The following MYO1H variants were observed in gnomAD, a reference collection of about 807,000 sequenced individuals.
The protein encoded by MYO1H is myosin IH.
A neutral mutation model predicts 149.3 loss-of-function variants in MYO1H; 118 were observed. The observed-to-expected ratio is 0.79, with a 90% CI of 0.68 to 0.92. The LOEUF is 0.92. MYO1H is among the 40% of genes least tolerant of loss of function. The pLI is 0.00. For missense variants in MYO1H, 1,212 were observed against 1,280.7 expected (o/e 0.95, Z 0.82); for synonymous variants, 447 against 465.2 (o/e 0.96, Z 0.50).
chr12:109,363,747 T>TC (rs1413555299), intron 1 of MYO1H, among the ~76,000 whole-genome samples: 2 of 151,450 alleles, frequency 1.3e-5, no homozygotes, highest in African/African-American at 4.9e-5. Flanking sequence ...TGCTGGCCAG[T>TC]CCCACCTGCG....
At chr12:109,318,964 TTG>T in the MYO1H span, among the ~76,000 whole-genome samples, 1 of 67,794 alleles carries the variant, frequency 1.5e-5, no homozygotes, top group Non-Finnish European at 3.2e-5. Context: ...CTCTGCGTTT[TTG>T]GTTTTGTTTT....
chr12:109,410,619 C>G, intron 12 of MYO1H, 69 bp from the exon 13 acceptor site: 1 of 1,046,678 alleles, frequency 9.6e-7, no homozygotes, highest in Non-Finnish European at 1.4e-6. Flanking sequence ...TTTAGAAAAC[C>G]AATTTAAAAC....
intron 1 of MYO1H, among the ~76,000 whole-genome samples, chr12:109,377,223 T>A (rs1195933273): frequency 6.6e-6 from 1 of 152,206 alleles, no homozygotes; most frequent in Admixed American, 6.5e-5. Context: ...GGCTGAATAG[T>A]TTATAAAGAA....
At position 109,412,189 on chromosome 12, in the gene MYO1H, A is replaced by G. The variant is rs543302942; in HGVS notation, c.1502+204A>G. Among the ~76,000 whole-genome samples the G allele has an allele frequency of 2.0e-5, 3 of 152,292 alleles. 1 individual carries two copies. The East Asian group carries it at 5.8e-4, about 29-fold the overall frequency. ...TAATTTTTTTTTGAGACATGGTCTC[A>G]GTCTGTCACCTAGGCTGGAGTGCAG... On this transcript the variant is annotated intron_variant, in intron 14 of 31. Transcript: ENST00000310903.
At chr12:109,325,200 T>C in the MYO1H span, among the ~76,000 whole-genome samples, 2 of 152,146 alleles carry the variant, frequency 1.3e-5, no homozygotes, top group East Asian at 3.8e-4. Flanking sequence ...TGTGTCTTTA[T>C]AGTAGAATGA....
intron 20 of MYO1H, among the ~76,000 whole-genome samples, chr12:109,434,417 C>A (rs1429240743): frequency 6.6e-6 from 1 of 152,128 alleles, no homozygotes; most frequent in Non-Finnish European, 1.5e-5. Context: ...TCATTTGAAC[C>A]TGGGAGATGG....
intron 3 of MYO1H, among the ~76,000 whole-genome samples, chr12:109,396,032 C>A (rs1185523864): frequency 6.6e-6 from 1 of 152,034 alleles, no homozygotes; most frequent in Admixed American, 6.6e-5. Flanking sequence ...AATTCTCCTG[C>A]CTCAGCCTCC....
chr12:109,318,210 C>T, the MYO1H span, among the ~76,000 whole-genome samples: 1 of 152,124 alleles, frequency 6.6e-6, no homozygotes, highest in Non-Finnish European at 1.5e-5. Flanking sequence ...GGAGAAGTAA[C>T]AAATATTTCT....
At chr12:109,435,202 A>G (rs1871809193) in intron 21 of MYO1H, 89 bp downstream of exon 21, 1 of 824,228 alleles carries the variant, frequency 1.2e-6, no homozygotes, top group Non-Finnish European at 1.9e-6. Flanking sequence ...GGTGTTTGAT[A>G]TAGTGTTAGA....
At chr12:109,417,451 C>T (rs1049000205) in intron 15 of MYO1H, among the ~76,000 whole-genome samples, 16 of 151,980 alleles carry the variant, frequency 1.1e-4, no homozygotes, top group African/African-American at 3.9e-4. Context: ...CCTCAGCCTC[C>T]CAAGTAGCTG....
the MYO1H span, among the ~76,000 whole-genome samples, chr12:109,324,301 G>A: frequency 3.3e-5 from 5 of 152,262 alleles, no homozygotes; most frequent in Non-Finnish European, 7.3e-5. Flanking sequence ...ATCTAGCCCC[G>A]GAAGCCACAC....
At chr12:109,347,301 G>A (rs964856471), upstream of MYO1H, among the ~76,000 whole-genome samples, 1 of 152,314 alleles carries the variant, frequency 6.6e-6, no homozygotes, top group Middle Eastern at 3.4e-3. Context: ...TGAACTCTGA[G>A]CTTCATGGTA....
chr12:109,371,880 T>G (rs527826769), intron 1 of MYO1H, among the ~76,000 whole-genome samples: 1 of 152,338 alleles, frequency 6.6e-6, no homozygotes, highest in South Asian at 2.1e-4. Flanking sequence ...TCTCAGTATA[T>G]TTGAATAGCA....
At chr12:109,362,726 T>C (rs10850074) in intron 1 of MYO1H, among the ~76,000 whole-genome samples, 74,214 of 152,016 alleles carry the variant, frequency 0.49, 18,787 homozygotes, top group African/African-American at 0.61. Context: ...CATTCCTTTC[T>C]TGTATGTATA....
chr12:109,445,558 C>T lies in MYO1H; in HGVS notation c.3039C>T (p.Phe1013=), dbSNP rs764716815. ...CGGGAAAAGAAGGCACAATAGTTTT[C>T]GACACTGGACTGGAAGAACAAGTCT... is the stretch of plus-strand genomic sequence containing the variant. The change falls in exon 31 of 32, where the codon TTC becomes TTT. Residue 1013 remains phenylalanine (F), a synonymous_variant. Coordinates refer to ENST00000310903, the Ensembl canonical transcript of MYO1H. The T allele has an allele frequency of 9.9e-6, 16 of 1,611,714 alleles. No homozygotes were observed. The East Asian group carries it at 1.1e-4, about 11-fold the overall frequency.
rs185087200 is a variant in MYO1H at position 109,423,283 on chromosome 12, C to T, written c.1645-1465C>T. On this transcript the variant is annotated intron_variant, in intron 16 of 31. Transcript: ENST00000310903. ...AAGCAATTCTCCTGCCTCAGCCTCC[C>T]GAGTAGCTGGGATTACAGGCATATG... is the stretch of plus-strand genomic sequence containing the variant. 4.5e-4 allele frequency among the ~76,000 whole-genome samples: 69 copies of T among 152,148 alleles called. No individual in the cohort carries two copies. In the East Asian group the frequency reaches 0.011, roughly 23 times the overall value.
chr12:109,410,895 A>T, intron 13 of MYO1H, 127 bp downstream of exon 13: 1 of 651,030 alleles, frequency 1.5e-6, no homozygotes. Flanking sequence ...TAATTCCAAC[A>T]CTTTGGGAGG....
chr12:109,320,623 C>CA, the MYO1H span, among the ~76,000 whole-genome samples: 2,244 of 92,152 alleles, frequency 0.024, 34 homozygotes, highest in Admixed American at 0.048. Flanking sequence ...GAATCTGTCT[C>CA]AAAAAAAAAA....
intron 3 of MYO1H, 105 bp from the exon 4 acceptor site, chr12:109,396,279 G>T (rs769545546): frequency 5.6e-6 from 5 of 891,894 alleles, no homozygotes; most frequent in African/African-American, 3.4e-5. Context: ...CAGTCTGGAT[G>T]TGGCTTCCTG....
Sources: allele counts gnomAD v4.1 joint callset (sites outside exome capture counted in the v4.1 genomes callset), GRCh38; gene constraint gnomAD v4.1.1; transcripts MANE v1.5; gene names NCBI Gene and HGNC (gene_info 2026-07-23, HGNC 2026-07-21).